Variants in ZMYND11 observed in about 807,000 individuals in gnomAD.
The protein encoded by ZMYND11 is zinc finger MYND domain-containing protein 11.
Under a neutral mutation model 84.9 loss-of-function variants are expected in ZMYND11, and 9 were observed. The ratio of observed to expected loss-of-function variants is 0.11; its 90% confidence interval spans 0.06 to 0.18. The LOEUF is 0.18. Ranked by LOEUF, ZMYND11 falls within the 10% of genes least tolerant of loss-of-function variation. ZMYND11 has a pLI of 1.00. For synonymous variants in ZMYND11, 250 were observed against 244.1 expected (o/e 1.02, Z -0.23); for missense variants, 409 against 761.0 (o/e 0.54, Z 5.44).
chr10:142,481 G>T (rs925884080), intron 1 of ZMYND11, among the ~76,000 whole-genome samples: 4 of 152,162 alleles, frequency 2.6e-5, no homozygotes, highest in African/African-American at 9.7e-5. Flanking sequence ...CATGAGGGAT[G>T]TGTCATTGTA....
chr10:179,230 C>T (rs141514744), intron 1 of ZMYND11, among the ~76,000 whole-genome samples: 13 of 152,276 alleles, frequency 8.5e-5, no homozygotes, highest in African/African-American at 2.9e-4. Flanking sequence ...GCTCTCCGGA[C>T]ATCCAGGGTT....
intron 2 of ZMYND11, among the ~76,000 whole-genome samples, chr10:201,911 C>CTATTTTAATTT (rs1943252288): frequency 4.6e-5 from 7 of 152,124 alleles, no homozygotes; most frequent in African/African-American, 1.7e-4. Flanking sequence ...GACTAGAAGG[C>CTATTTTAATTT]CACTTATCAG....
intron 1 of ZMYND11, among the ~76,000 whole-genome samples, chr10:136,667 T>C (rs1836163227): frequency 6.6e-6 from 1 of 152,136 alleles, no homozygotes; most frequent in Non-Finnish European, 1.5e-5. Context: ...TGAATATATT[T>C]ACCTTACCTG....
intron 1 of ZMYND11, among the ~76,000 whole-genome samples, chr10:162,006 C>T (rs1264072280): frequency 4.6e-5 from 7 of 152,308 alleles, no homozygotes; most frequent in Non-Finnish European, 1.0e-4. Flanking sequence ...TCTTGGCTTT[C>T]GACATGCCTT....
At chr10:145,666 T>A (rs1358583826) in intron 1 of ZMYND11, among the ~76,000 whole-genome samples, 1 of 152,290 alleles carries the variant, frequency 6.6e-6, no homozygotes, top group Admixed American at 6.5e-5. Context: ...AGCATTTTCT[T>A]ACGTGTTTGT....
rs548336683 is a variant in ZMYND11, at chr10:206,694, TTTGTATTTAC to T, written c.117-3193_117-3184del. ...TTTTTAAATTGTTGAGTTTAGCCCA[TTTGTATTTAC>T]TAAAAAGACAAACATGTCTGGTTTT... On this transcript the variant is annotated intron_variant, in intron 2 of 14. Transcript: ENST00000381604. Among the ~76,000 whole-genome samples the T allele has an allele frequency of 4.2e-3, 635 of 152,290 alleles. 4 individuals carry two copies. The highest frequency in any genetic ancestry group is 0.014 in the African/African-American group (600 of 41,562).
chr10:160,811 C>T (rs1371170494), intron 1 of ZMYND11, among the ~76,000 whole-genome samples: 2 of 152,074 alleles, frequency 1.3e-5, no homozygotes, highest in Admixed American at 6.5e-5. Context: ...TCTTCATGCT[C>T]GACTTCTAAT....
At position 240,090 on chromosome 10, in the gene ZMYND11, A is replaced by G. The variant is rs1005598228; in HGVS notation, c.732A>G (p.Leu244=). The G allele has an allele frequency of 3.1e-6, 5 of 1,611,818 alleles. No individual in the cohort carries two copies. The highest frequency in any genetic ancestry group is 2.7e-5 in the African/African-American group (2 of 74,896). ...AGCAAGCTGACATTGCGAGGATGCTATATAAAGACACATGTCATGAGGTAC... is the reference window on the plus strand; with the variant it reads ...AGCAAGCTGACATTGCGAGGATGCTGTATAAAGACACATGTCATGAGGTAC... ...DSEQADIARM[L]YKDTCHELDE... The change falls in exon 8 of 15, where the codon CTA becomes CTG. Residue 244 remains leucine (L), a synonymous_variant. Transcript: ENST00000381604.
intron 4 of ZMYND11, among the ~76,000 whole-genome samples, chr10:231,379 A>C (rs1406872247): frequency 6.6e-6 from 1 of 152,222 alleles, no homozygotes; most frequent in African/African-American, 2.4e-5. Context: ...GTCTGAAAAA[A>C]GAAGTCTAGA....
At chr10:200,337 A>G (rs1356594441) in intron 2 of ZMYND11, among the ~76,000 whole-genome samples, 1 of 145,992 alleles carries the variant, frequency 6.8e-6, no homozygotes, top group Non-Finnish European at 1.5e-5. Context: ...TGTATTATAT[A>G]TAACATATAT....
In ZMYND11 at chr10:210,047, T is replaced by C; in HGVS notation, c.275T>C (p.Ile92Thr). 6.2e-7 allele frequency: 1 copy of C among 1,613,976 alleles called. No individual in the cohort carries two copies. The highest frequency in any genetic ancestry group is 8.5e-7 in the Non-Finnish European group (1 of 1,179,872). ...QEGYWLPGDEIDWETENHDWY... is the reference protein window; with the variant it reads ...QEGYWLPGDETDWETENHDWY... ...GGATATTGGTTGCCAGGAGATGAGATTGTAAGTACATTTTATTTGATAAAC... is the reference window on the plus strand; with the variant it reads ...GGATATTGGTTGCCAGGAGATGAGACTGTAAGTACATTTTATTTGATAAAC... The change falls in exon 3 of 15, where the codon ATT becomes ACT. Residue 92 changes from isoleucine (I) to threonine (T), a missense_variant and splice_region_variant. By Grantham distance (89) the Ile-to-Thr change is moderately conservative. Transcript: ENST00000381604.
chr10:194,235 C>G (rs1460983652), intron 2 of ZMYND11, among the ~76,000 whole-genome samples: 1 of 150,816 alleles, frequency 6.6e-6, no homozygotes, highest in Non-Finnish European at 1.5e-5. Flanking sequence ...GGCGATCTAC[C>G]CACCTCAGCC....
At position 206,152 on chromosome 10, in the gene ZMYND11, G is replaced by A. The variant is rs562953705; in HGVS notation, c.117-3737G>A. ...AGGCGGGTGGATCACCTGAGGTCAC[G>A]ACTTCAAGACTAGCCTGACCAACAT... On this transcript the variant is annotated intron_variant, in intron 2 of 14. Transcript: ENST00000381604. Among the ~76,000 whole-genome samples the A allele has an allele frequency of 3.3e-5, 5 of 152,118 alleles. No homozygotes were observed. The South Asian group carries it at 8.3e-4, about 25-fold the overall frequency.
chr10:135,696 C>A lies in ZMYND11; in HGVS notation c.-20+137C>A, dbSNP rs1158435403. 1 of 148,456 alleles carries A rather than the reference C, an allele frequency of 6.7e-6. No homozygotes were observed. Among genetic ancestry groups the A allele is most frequent in the East Asian group, 2.0e-4 (1 of 5,018 alleles). 9.2% of individuals were successfully genotyped at this position (148,456 alleles called of 1,614,324 possible). A position where few individuals can be genotyped will look rare whatever the true frequency, so the allele number is the denominator to read the frequency against. On this transcript the variant is annotated intron_variant, in intron 1 of 14. Transcript: ENST00000381604. This position sits in a 1 kb window ranked among gnomAD's most constrained non-coding sequence, Gnocchi z 5.6. ...CAGTGGGTGCTGACGGTCGCTCGCC[C>A]GCTCGCGAAGAGCTCCGAGCTGCCG...
chr10:234,967 G>A (rs148297986), intron 4 of ZMYND11, among the ~76,000 whole-genome samples: 196 of 135,460 alleles, frequency 1.4e-3, no homozygotes, highest in Non-Finnish European at 2.3e-3. Flanking sequence ...AGAGGTGCCC[G>A]CTAGTATTTC....
At chr10:152,656 AACAG>A (rs1458894739) in intron 1 of ZMYND11, among the ~76,000 whole-genome samples, 1 of 152,136 alleles carries the variant, frequency 6.6e-6, no homozygotes, top group Non-Finnish European at 1.5e-5. Flanking sequence ...ATATCAATGA[AACAG>A]AAAGTCAACA....
At chr10:197,131 G>C (rs1043392933) in intron 2 of ZMYND11, among the ~76,000 whole-genome samples, 4 of 151,114 alleles carry the variant, frequency 2.6e-5, no homozygotes, top group Admixed American at 2.0e-4. Context: ...GTGCCCACGT[G>C]CACATTGTAT....
chr10:184,234 G>A (rs1025248639), intron 2 of ZMYND11, among the ~76,000 whole-genome samples: 1 of 152,016 alleles, frequency 6.6e-6, no homozygotes, highest in African/African-American at 2.4e-5. Flanking sequence ...TAAATACACA[G>A]CTATTAGAAT....
Position 198,594 on chromosome 10 carries a change from A to T in ZMYND11, c.117-11295A>T, listed in dbSNP as rs545496902. Among the ~76,000 whole-genome samples, 22 of 152,290 alleles carry T rather than the reference A, an allele frequency of 1.4e-4. No homozygotes were observed. The East Asian group carries it at 3.7e-3, about 25-fold the overall frequency. ...AGGGTTCATATTTTAGTGTTATGAA[A>T]ACTAAAATATTTCACCTCTCGTTGG... On this transcript the variant is annotated intron_variant, in intron 2 of 14. Coordinates refer to ENST00000381604, the MANE Select transcript of ZMYND11 (RefSeq NM_001370100.5).
Sources: allele counts gnomAD v4.1 joint callset (sites outside exome capture counted in the v4.1 genomes callset), GRCh38; gene constraint gnomAD v4.1.1; non-coding constraint Gnocchi (gnomAD v3.1); transcripts MANE v1.5; gene names NCBI Gene and HGNC (gene_info 2026-07-23, HGNC 2026-07-21).